The following KIF15 variants were observed in gnomAD, a reference collection of about 807,000 sequenced individuals.
The protein encoded by KIF15 is kinesin-like protein KIF15.
Under a neutral mutation model 190.6 loss-of-function variants are expected in KIF15, and 140 were observed. The observed-to-expected ratio is 0.73, with a 90% CI of 0.64 to 0.84. The LOEUF is 0.84. KIF15 is among the 40% of genes least tolerant of loss of function. The pLI, the probability that KIF15 is intolerant of heterozygous loss-of-function variation, is 0.00. For missense variants in KIF15, 1,372 were observed against 1,584.4 expected (o/e 0.87, Z 2.28); for synonymous variants, 528 against 551.3 (o/e 0.96, Z 0.59).
chr3:44,842,949 CA>C (rs1435760060), intron 29 of KIF15, among the ~76,000 whole-genome samples, 175 bp from the exon 30 acceptor site: 1 of 152,102 alleles, frequency 6.6e-6, no homozygotes, highest in African/African-American at 2.4e-5. Flanking sequence ...GATCATGAAT[CA>C]CCATTCTAGG....
chr3:44,817,205 A>G (rs1278405439), intron 20 of KIF15, among the ~76,000 whole-genome samples: 2 of 151,984 alleles, frequency 1.3e-5, no homozygotes, highest in East Asian at 1.9e-4. Flanking sequence ...GTTCACTCTG[A>G]TGGTCATTTC....
At chr3:44,856,569 C>T (rs1247940710), downstream of KIF15, among the ~76,000 whole-genome samples, 1 of 152,026 alleles carries the variant, frequency 6.6e-6, no homozygotes, top group Non-Finnish European at 1.5e-5. Flanking sequence ...GTGGAAGTTT[C>T]AGTGGGAAAG....
At chr3:44,838,496 C>A in intron 27 of KIF15, 75 bp downstream of exon 27, 1 of 1,476,114 alleles carries the variant, frequency 6.8e-7, no homozygotes, top group South Asian at 1.4e-5. Context: ...GTAATCCCAG[C>A]ACTTTGAGAG....
At chr3:44,841,005 T>C in intron 28 of KIF15, 69 bp from the exon 29 acceptor site, 1 of 1,395,010 alleles carries the variant, frequency 7.2e-7, no homozygotes, top group Non-Finnish European at 1.0e-6. Flanking sequence ...TACTTGACAT[T>C]TACGTTTAAA....
chr3:44,813,150 CA>C lies in KIF15; in HGVS notation c.2354del (p.Gln785ArgfsTer12). Reference sequence around the variant, plus strand: ...CTCACAGTTGAATGTCCTTGAAAAGCAGCTTCAAGAGACTCAAACTAAAAAT... The same window carrying C: ...CTCACAGTTGAATGTCCTTGAAAAGCGCTTCAAGAGACTCAAACTAAAAAT... ...LLSQLNVLEK[Q>X]LQETQTKNDF... On this transcript the variant is annotated frameshift_variant, in exon 19 of 35. Coordinates refer to ENST00000326047, the MANE Select transcript of KIF15 (RefSeq NM_020242.3). LOFTEE classifies it high-confidence loss of function. 1.9e-6 allele frequency: 3 copies of C among 1,601,492 alleles called. No individual in the cohort carries two copies. Among genetic ancestry groups the C allele is most frequent in the Non-Finnish European group, 2.6e-6 (3 of 1,175,318 alleles).
At chr3:44,849,379 T>C (rs528746065) in intron 32 of KIF15, among the ~76,000 whole-genome samples, 1 of 152,260 alleles carries the variant, frequency 6.6e-6, no homozygotes, top group African/African-American at 2.4e-5. Context: ...TCCCAGCACT[T>C]TGGGAGGCCG....
In KIF15 at chr3:44,864,249, C is replaced by A. The variant is rs1443253070; in HGVS notation, c.*60-9080C>A. ...ATTATTGTGATGGCGAGCACCAATT[C>A]TCTGATGTGGACCTTCTTTAGCCGG... On this transcript the variant is annotated intron_variant and NMD_transcript_variant, in intron 6 of 6. Coordinates refer to the KIF15 transcript ENST00000422209. The A allele has an allele frequency of 1.9e-6, 3 of 1,614,206 alleles. No individual in the cohort carries two copies. In the South Asian group the frequency reaches 3.3e-5, roughly 18 times the overall value.
intron 26 of KIF15, 137 bp downstream of exon 26, chr3:44,831,155 G>A (rs1217284359): frequency 2.5e-5 from 24 of 970,978 alleles, no homozygotes; most frequent in African/African-American, 3.3e-5. Context: ...GCCTCAAGAC[G>A]CTTCACTACA....
intron 8 of KIF15, among the ~76,000 whole-genome samples, chr3:44,795,358 A>G (rs898249518): frequency 1.3e-5 from 2 of 152,190 alleles, no homozygotes; most frequent in African/African-American, 4.8e-5. Context: ...GCATGGCTCA[A>G]TGGATGGGTT....
chr3:44,801,009 T>C (rs1038272078), intron 11 of KIF15, among the ~76,000 whole-genome samples: 1 of 149,890 alleles, frequency 6.7e-6, no homozygotes, highest in Non-Finnish European at 1.5e-5. Context: ...GACGGTCTCA[T>C]TGTTTTTTTT....
intron 34 of KIF15, 28 bp from the exon 35 acceptor site, chr3:44,852,645 T>A: frequency 6.6e-7 from 1 of 1,520,728 alleles, no homozygotes; most frequent in Non-Finnish European, 8.9e-7. Flanking sequence ...CTTATTTTTT[T>A]TCTTTTTGTT....
intron 2 of KIF15, 143 bp downstream of exon 2, chr3:44,774,580 T>A (rs1705788673): frequency 1.5e-6 from 1 of 672,134 alleles, no homozygotes; most frequent in East Asian, 2.8e-5. Context: ...AAACTGCATA[T>A]TACCTCTGCC....
chr3:44,845,523 AAAAG>A (rs946969544), intron 30 of KIF15, among the ~76,000 whole-genome samples: 14 of 152,122 alleles, frequency 9.2e-5, no homozygotes, highest in African/African-American at 3.1e-4. Flanking sequence ...ACCTAAAAAA[AAAAG>A]AAAGAAAGAA....
At position 44,794,268 on chromosome 3, in the gene KIF15, A is replaced by T. The variant is rs1332842915; in HGVS notation, c.691A>T (p.Arg231Ter). The T allele has an allele frequency of 1.4e-5, 22 of 1,614,060 alleles. No homozygotes were observed. Among genetic ancestry groups the T allele is most frequent in the Non-Finnish European group, 1.8e-5 (21 of 1,180,022 alleles). The change falls in exon 8 of 35, where the codon AGA becomes TGA. Residue 231 changes from arginine to a stop codon, truncating the protein, a stop_gained. Transcript: ENST00000326047. LOFTEE classifies it high-confidence loss of function. The part of the protein sequence containing the change: ...NRRVASTSMN[R>*]ESSRSHAVFT... ...ACGTGTGGCATCAACATCAATGAAC[A>T]GAGAATCGTCTAGGTCTCATGCCGT...
intron 32 of KIF15, 122 bp downstream of exon 32, chr3:44,848,680 A>G (rs1203811404): frequency 2.3e-6 from 1 of 432,854 alleles, no homozygotes; most frequent in Non-Finnish European, 4.1e-6. Context: ...AATTTAATAG[A>G]TGTTTACAGA....
At chr3:44,778,979 CAAAAAAA>C (rs60269306) in intron 4 of KIF15, among the ~76,000 whole-genome samples, 5 of 77,724 alleles carry the variant, frequency 6.4e-5, no homozygotes, top group South Asian at 5.1e-4. Context: ...GACTCCGCCT[CAAAAAAA>C]AAAAAAAAAA....
intron 11 of KIF15, among the ~76,000 whole-genome samples, chr3:44,801,140 T>TGAGAA (rs922531611): frequency 2.7e-5 from 4 of 150,608 alleles, no homozygotes; most frequent in African/African-American, 9.8e-5. Context: ...CCTGAGTAGC[T>TGAGAA]GTGACTACAG....
At chr3:44,804,557 C>T (rs1707408458) in intron 14 of KIF15, among the ~76,000 whole-genome samples, 1 of 152,182 alleles carries the variant, frequency 6.6e-6, no homozygotes, top group Admixed American at 6.5e-5. Flanking sequence ...ACACTTTCGT[C>T]ATTGTTTGTT....
At position 44,828,302 on chromosome 3, in the gene KIF15, T is replaced by G; in HGVS notation, c.2943+2T>G. 1 of 1,597,318 alleles carries G rather than the reference T, an allele frequency of 6.3e-7. No individual in the cohort carries two copies. Among genetic ancestry groups the G allele is most frequent in the South Asian group, 1.1e-5 (1 of 90,656 alleles). ...GAAAAGTCTAGAGATTCTGATAAGG[T>G]TGGTAGAGTTTGAAGCTACATCTCT... On this transcript the variant is annotated splice_donor_variant, in intron 24 of 34. Transcript: ENST00000326047. LOFTEE classifies it high-confidence loss of function.
Sources: gnomAD v4.1 joint callset for allele counts (sites outside exome capture counted in the v4.1 genomes callset) on GRCh38, gnomAD v4.1.1 for gene constraint, MANE v1.5 for transcripts, NCBI Gene and HGNC (gene_info 2026-07-23, HGNC 2026-07-21) for gene names.